Variants in IQSEC3 observed in about 807,000 individuals in gnomAD.
IQSEC3 encodes IQ motif and SEC7 domain-containing protein 3.
A neutral mutation model predicts 105.4 loss-of-function variants in IQSEC3; 50 were observed. The ratio of observed to expected loss-of-function variants is 0.47; its 90% CI spans 0.38 to 0.60. The LOEUF (loss-of-function observed/expected upper bound fraction) is 0.60. Ranked by LOEUF, IQSEC3 falls within the 20% of genes least tolerant of loss-of-function variation. IQSEC3 has a pLI of 0.00. For missense variants in IQSEC3, 1,415 were observed against 1,630.0 expected, an observed-to-expected ratio of 0.87 and a Z score of 2.27; for synonymous variants, 708 against 746.0, an observed-to-expected ratio of 0.95 and a Z score of 0.83.
At chr12:109,968 A>C in intron 2 of IQSEC3, among the ~76,000 whole-genome samples, 1 of 152,172 alleles carries the variant, frequency 6.6e-6, no homozygotes, top group South Asian at 2.1e-4. Flanking sequence ...CAATCTGCAA[A>C]GATGGACAGC....
At chr12:129,636 C>A (rs1555084423) in intron 3 of IQSEC3, among the ~76,000 whole-genome samples, 1 of 152,090 alleles carries the variant, frequency 6.6e-6, no homozygotes, top group Non-Finnish European at 1.5e-5. Context: ...TTTTGAAATT[C>A]CTCCAAGCCC....
At chr12:68,677 G>A (rs1863192162) in intron 1 of IQSEC3, among the ~76,000 whole-genome samples, 2 of 152,278 alleles carry the variant, frequency 1.3e-5, no homozygotes, top group South Asian at 2.1e-4. Flanking sequence ...ATGGGGAGGG[G>A]GAAGTAGAGC....
rs144118858 is a variant in IQSEC3, at chr12:123,686, G to A, written c.624-1947G>A. On this transcript the variant is annotated intron_variant, in intron 2 of 13. Coordinates refer to ENST00000538872, the MANE Select transcript of IQSEC3 (RefSeq NM_001170738.2). ...CCTTGGCTGGGAGGAAGCACCAGGA[G>A]GAACACCTCTCTGCACCCTAAGGTC... Among the ~76,000 whole-genome samples, 568 of 152,214 alleles carry A rather than the reference G, an allele frequency of 3.7e-3. 3 individuals carry two copies. The highest frequency in any genetic ancestry group is 0.011 in the African/African-American group (452 of 41,520).
chr12:163,528 G>A lies in IQSEC3; in HGVS notation c.2618G>A (p.Cys873Tyr). Residue 873 changes from cysteine (C) to tyrosine (Y), a missense_variant, in exon 9 of 14, where the codon TGC (cysteine) becomes TAC (tyrosine). Coordinates refer to ENST00000538872, the MANE Select transcript of IQSEC3 (RefSeq NM_001170738.2). ...GTGCCCCACCGCCGCCTGGTGTGCT[G>A]CAGCCGGCTCTTCGAGGTGACGGAT... is the stretch of plus-strand genomic sequence containing the variant. ...LSVPHRRLVC[C>Y]SRLFEVTDVN... is the part of the protein sequence containing the mutation. The A allele has an allele frequency of 6.2e-7, 1 of 1,611,488 alleles. No homozygotes were observed. Among genetic ancestry groups the A allele is most frequent in the Non-Finnish European group, 8.5e-7 (1 of 1,179,228 alleles).
chr12:81,844 C>T (rs567870818), intron 1 of IQSEC3, among the ~76,000 whole-genome samples: 1 of 152,242 alleles, frequency 6.6e-6, no homozygotes, highest in Admixed American at 6.5e-5. Context: ...AGAAGGAGCA[C>T]CCAGAGGGAG....
chr12:141,128 C>T lies in IQSEC3; in HGVS notation c.1996C>T (p.Pro666Ser), dbSNP rs1555089054. 2 of 1,599,032 alleles carry T rather than the reference C, an allele frequency of 1.3e-6. No individual in the cohort carries two copies. The change falls in exon 5 of 14, where the codon CCC (proline) becomes TCC (serine). Residue 666 changes from proline to serine, a missense_variant. Coordinates refer to ENST00000538872, the MANE Select transcript of IQSEC3 (RefSeq NM_001170738.2). ...RIGLNLFNIN[P>S]DKGIQFLISR... ...TCTCCCCACCCCCACCTCCAGAAAC[C>T]CCGACAAGGGCATCCAGTTCCTGAT...
chr12:104,005 T>A (rs1864557118), intron 2 of IQSEC3, among the ~76,000 whole-genome samples: 1 of 147,568 alleles, frequency 6.8e-6, no homozygotes, highest in African/African-American at 2.5e-5. Context: ...GAGCCTCTGC[T>A]AACTGAACTG....
intron 13 of IQSEC3, among the ~76,000 whole-genome samples, chr12:174,173 A>G (rs940698590): frequency 1.3e-5 from 2 of 152,168 alleles, no homozygotes; most frequent in Non-Finnish European, 2.9e-5. Flanking sequence ...GAAAGGCTCA[A>G]TAACGCTTGG....
At chr12:106,721 CTTCTT>C (rs1864666300) in intron 2 of IQSEC3, 1 of 152,202 alleles carries the variant, frequency 6.6e-6, no homozygotes, top group Non-Finnish European at 1.5e-5. Context: ...TCTTTTGTAT[CTTCTT>C]TTCTCACTTC....
rs781139214 is a variant in IQSEC3 at position 174,918 on chromosome 12, A to G, written c.3434A>G (p.His1145Arg). The stretch of plus-strand genomic sequence containing the variant: ...CCCGGCTCTCCGGTCAAGGTCACCC[A>G]CCAGCCTCCGCTGCCCCCGCCCCCA... ...GGPGSPVKVT[H>R]QPPLPPPPPP... Residue 1145 changes from histidine (H) to arginine (R), a missense_variant, in exon 14 of 14, where the codon CAC (histidine) becomes CGC (arginine). By Grantham distance (29) the His-to-Arg change is conservative. Around this residue, in one of 6 missense-constraint regions of IQSEC3, gnomAD observed 419 missense variants for 436.2 expected, o/e 0.96. Coordinates refer to ENST00000538872, the MANE Select transcript of IQSEC3 (RefSeq NM_001170738.2). 185 of 1,548,212 alleles carry G rather than the reference A, an allele frequency of 1.2e-4. No individual in the cohort carries two copies. Among genetic ancestry groups the G allele is most frequent in the Non-Finnish European group, 1.5e-4 (174 of 1,154,834 alleles).
intron 3 of IQSEC3, among the ~76,000 whole-genome samples, chr12:127,917 C>T (rs1469759109): frequency 6.6e-6 from 1 of 152,148 alleles, no homozygotes; most frequent in Non-Finnish European, 1.5e-5. Context: ...TTTTGTTGAA[C>T]ATGGCACACA....
At chr12:74,455 ATG>A (rs571839728) in intron 1 of IQSEC3, among the ~76,000 whole-genome samples, 534 of 152,204 alleles carry the variant, frequency 3.5e-3, no homozygotes, top group Non-Finnish European at 5.6e-3. Context: ...AAGACTGCTG[ATG>A]TGTGTGTGTG....
intron 2 of IQSEC3, among the ~76,000 whole-genome samples, chr12:112,191 C>A (rs1864911943): frequency 6.6e-6 from 1 of 151,692 alleles, no homozygotes; most frequent in South Asian, 2.1e-4. Flanking sequence ...AGTAGCTGGG[C>A]AGGCTGATAA....
intron 1 of IQSEC3, among the ~76,000 whole-genome samples, chr12:85,259 G>T (rs1863880540): frequency 6.6e-6 from 1 of 152,254 alleles, no homozygotes; most frequent in Admixed American, 6.5e-5. Flanking sequence ...GGCAGGACTT[G>T]GTGAGGAGCA....
chr12:144,413 G>C (rs538599773), intron 5 of IQSEC3: 2 of 152,304 alleles, frequency 1.3e-5, no homozygotes, highest in East Asian at 3.9e-4. Flanking sequence ...TATTCATTCT[G>C]TACAAAGCTG....
intron 2 of IQSEC3, among the ~76,000 whole-genome samples, chr12:119,385 TA>T (rs1335207402): frequency 6.6e-6 from 1 of 152,074 alleles, no homozygotes; most frequent in East Asian, 1.9e-4. Flanking sequence ...GACATGAAGG[TA>T]AAATTTGGCA....
rs538133668 is a variant in IQSEC3 at position 76,350 on chromosome 12, G to A, written c.554+8914G>A. On this transcript the variant is annotated intron_variant, in intron 1 of 13. Transcript: ENST00000538872. ...CGTGACGGGACGGTGAGCAGGTGGT[G>A]CGCAGGCGTTTGTGGACCTGAGTGG... Among the ~76,000 whole-genome samples, 3 of 152,260 alleles carry A rather than the reference G, an allele frequency of 2.0e-5. No individual in the cohort carries two copies. In the East Asian group the frequency reaches 5.8e-4, roughly 29 times the overall value.
chr12:165,294 ATATATG>A (rs2137056983), intron 9 of IQSEC3, 134 bp from the exon 10 acceptor site: 1 of 691,836 alleles, frequency 1.4e-6, no homozygotes, highest in South Asian at 1.7e-5. Flanking sequence ...GTGTGTGCAC[ATATATG>A]TATATCTGTA....
At chr12:132,592 A>C (rs1488463436) in intron 3 of IQSEC3, among the ~76,000 whole-genome samples, 1 of 152,066 alleles carries the variant, frequency 6.6e-6, no homozygotes, top group Admixed American at 6.6e-5. Flanking sequence ...TGATTGCAAA[A>C]GGTATAGGGG....
Sources: gnomAD v4.1 joint callset for allele counts (sites outside exome capture counted in the v4.1 genomes callset) on GRCh38, gnomAD v4.1.1 for gene constraint, gnomAD v4.1.1 regional missense constraint, MANE v1.5 for transcripts, NCBI Gene and HGNC (gene_info 2026-07-23, HGNC 2026-07-21) for gene names.